The following PAGE5 variants were observed in gnomAD, a reference collection of about 807,000 sequenced individuals.
PAGE5 encodes PAGE family member 5, also known as P antigen family member 5.
PAGE5 carries 8 observed loss-of-function variants against 8.1 expected under a neutral mutation model. That is an observed-to-expected ratio of 0.98 (90% CI 0.58 to 1.77). PAGE5 has a LOEUF of 1.77. Among genes scored for constraint, PAGE5 ranks in the 40% most tolerant of loss-of-function variants. The probability of loss-of-function intolerance (pLI) is 0.00; values close to 1 mark genes in which losing one functional copy is unlikely to be tolerated. For missense variants in PAGE5, 64 were observed against 77.6 expected (o/e 0.82, Z 0.66); for synonymous variants, 30 against 27.0 (o/e 1.11, Z -0.35).
chrX:55,223,932 C>A, intron 4 of PAGE5, 55 bp from the exon 5 acceptor site: 1 of 993,753 alleles, frequency 1.0e-6, no homozygotes, highest in South Asian at 2.4e-5. Flanking sequence ...CTTCTAGTGT[C>A]ATCTAAATAG....
intron 4 of PAGE5, among the ~76,000 whole-genome samples, chrX:55,223,626 A>G (rs143618275): frequency 0.03 from 2,718 of 91,032 alleles, 43 homozygotes; most frequent in Admixed American, 0.09. Context: ...AAAAATTTAA[A>G]TGATACTTTA....
At position 55,222,687 on chromosome X, in the gene PAGE5, G is replaced by A; in HGVS notation, c.257G>A (p.Gly86Asp). The A allele has an allele frequency of 8.3e-7, 1 of 1,209,701 alleles. No homozygotes were observed. The highest frequency in any genetic ancestry group is 1.1e-6 in the Non-Finnish European group (1 of 893,479). The change falls in exon 4 of 5, where the codon GGT (glycine) becomes GAT (aspartate). Residue 86 changes from glycine to aspartate, a missense_variant. Physicochemically the swap from Gly to Asp is moderately conservative, Grantham distance 94. Coordinates refer to ENST00000374955, the MANE Select transcript of PAGE5 (RefSeq NM_001013435.3). ...AAGATAGAGGATGCACCTGGAGATGGTCCTGATGTCAGGGAGGGGACTCTG... is the reference window on the plus strand; with the variant it reads ...AAGATAGAGGATGCACCTGGAGATGATCCTGATGTCAGGGAGGGGACTCTG... ...LLKIEDAPGD[G>D]PDVREGTLPT...
intron 3 of PAGE5, 78 bp from the exon 4 acceptor site, chrX:55,222,543 A>T: frequency 1.6e-5 from 17 of 1,044,622 alleles, no homozygotes; most frequent in Non-Finnish European, 2.1e-5. Context: ...TTATTTCACA[A>T]TGATGAGGGA....
At chrX:55,221,114 C>CT (rs1470995175) in intron 1 of PAGE5, among the ~76,000 whole-genome samples, 2 of 110,780 alleles carry the variant, frequency 1.8e-5, no homozygotes, top group African/African-American at 6.6e-5. Flanking sequence ...GATGGAGAGT[C>CT]TAATTGTGAA....
intron 1 of PAGE5, 185 bp downstream of exon 1, chrX:55,220,637 G>A: frequency 8.3e-7 from 1 of 1,202,122 alleles, no homozygotes; most frequent in South Asian, 1.8e-5. Flanking sequence ...GGCTGGGCTG[G>A]AACGAGGGAG....
intron 2 of PAGE5, 133 bp downstream of exon 2, chrX:55,221,596 T>G: frequency 4.3e-6 from 4 of 930,359 alleles, no homozygotes; most frequent in Non-Finnish European, 4.4e-6. Flanking sequence ...TGAAGGCAAC[T>G]TTGGTTCAGG....
chrX:55,221,958 G>A, intron 3 of PAGE5, 83 bp downstream of exon 3: 1 of 965,079 alleles, frequency 1.0e-6, no homozygotes, highest in Non-Finnish European at 1.4e-6. Flanking sequence ...AGTAACAGGA[G>A]GACAGAAAAC....
rs1937872346 is a variant in PAGE5, at chrX:55,220,358, C to T, written c.-103C>T. 1 of 393,298 alleles carries T rather than the reference C, an allele frequency of 2.5e-6. No individual in the cohort carries two copies. Among genetic ancestry groups the T allele is most frequent in the Non-Finnish European group, 4.5e-6 (1 of 220,682 alleles). The allele number at this position is 393,298 out of a possible 1,213,427, so 32.4% of individuals were successfully genotyped here. ...CCTTTCTGCCCACCTTCTGTCTAGG[C>T]AGAGCTCTGCAAGGAGAGGTTGTGT... On this transcript the variant is annotated 5_prime_UTR_variant, in exon 1 of 5. Transcript: ENST00000374955.
intron 3 of PAGE5, among the ~76,000 whole-genome samples, 189 bp from the exon 4 acceptor site, chrX:55,222,432 T>A (rs188658239): frequency 8.9e-6 from 1 of 112,329 alleles, no homozygotes; most frequent in Admixed American, 9.4e-5. Context: ...ACAAGTAAGT[T>A]GTCTAGGGCC....
At position 55,222,727 on chromosome X, in the gene PAGE5, C is replaced by T; in HGVS notation, c.297C>T (p.Pro99=). ...AGGGGACTCTGCCCACTTTTGATCC[C>T]ACTAAAGTGCTGGAAGCAGGTATGT... The part of the protein sequence containing the change: ...VREGTLPTFD[P]TKVLEAGEGQ... Residue 99 remains proline, a synonymous_variant, in exon 4 of 5, where the codon CCC becomes CCT. Coordinates refer to ENST00000374955, the MANE Select transcript of PAGE5 (RefSeq NM_001013435.3). 2 of 1,209,018 alleles carry T rather than the reference C, an allele frequency of 1.7e-6. No individual in the cohort carries two copies. The highest frequency in any genetic ancestry group is 1.8e-5 in the South Asian group (1 of 56,370).
chrX:55,220,436 T>A lies in PAGE5; in HGVS notation c.-25T>A. On this transcript the variant is annotated 5_prime_UTR_variant, in exon 1 of 5. Coordinates refer to ENST00000374955, the MANE Select transcript of PAGE5 (RefSeq NM_001013435.3). ...TTCCAACATCTTCGTTCTTTCTCAC[T>A]GACCGAGACTCAGCCGGTAGGTCTG... 2.0e-6 allele frequency: 1 copy of A among 493,688 alleles called. No individual in the cohort carries two copies. 40.7% of individuals were successfully genotyped at this position (493,688 alleles called of 1,213,427 possible).
intron 1 of PAGE5, chrX:55,220,688 G>A (rs1179337505): frequency 1.0e-5 from 12 of 1,163,208 alleles, no homozygotes; most frequent in Non-Finnish European, 1.4e-5. Context: ...TGAAGATGGT[G>A]CGAGTCCTGG....
rs1419564490 is a variant in PAGE5 at position 55,221,759 on chromosome X, ACCCTTAGGTCCAG to A, written c.82-6_88del. ...ACTTTTTATTCGCACACACACTTAC[ACCCTTAGGTCCAG>A]CAGCCCACTGAGGAAAAACGTCAAG... On this transcript the variant is annotated splice_acceptor_variant and splice_polypyrimidine_tract_variant and coding_sequence_variant and intron_variant, in exon 3 of 5. Transcript: ENST00000374955. LOFTEE classifies it high-confidence loss of function. The A allele has an allele frequency of 8.3e-7, 1 of 1,206,517 alleles. No homozygotes were observed. Among genetic ancestry groups the A allele is most frequent in the South Asian group, 1.8e-5 (1 of 55,981 alleles).
At chrX:55,222,863 C>A in intron 4 of PAGE5, 117 bp downstream of exon 4, 1 of 929,291 alleles carries the variant, frequency 1.1e-6, no homozygotes, top group South Asian at 2.4e-5. Context: ...TCTAAAGATT[C>A]TTTGAAGGTA....
Position 55,220,348 on chromosome X carries a change from T to G in PAGE5, c.-113T>G, listed in dbSNP as rs1157698730. 5.3e-6 allele frequency: 2 copies of G among 377,387 alleles called. No individual in the cohort carries two copies. Among genetic ancestry groups the G allele is most frequent in the South Asian group, 3.4e-5 (1 of 29,131 alleles). 31.1% of individuals were successfully genotyped at this position (377,387 alleles called of 1,213,427 possible). A position where few individuals can be genotyped will look rare whatever the true frequency, so the allele number is the denominator to read the frequency against. On this transcript the variant is annotated 5_prime_UTR_variant, in exon 1 of 5. Coordinates refer to ENST00000374955, the MANE Select transcript of PAGE5 (RefSeq NM_001013435.3). ...TGCGCATGCGCCTTTCTGCCCACCTTCTGTCTAGGCAGAGCTCTGCAAGGA... is the reference window on the plus strand; with the variant it reads ...TGCGCATGCGCCTTTCTGCCCACCTGCTGTCTAGGCAGAGCTCTGCAAGGA...
chrX:55,221,273 T>C, intron 1 of PAGE5, 102 bp from the exon 2 acceptor site: 1 of 778,677 alleles, frequency 1.3e-6, no homozygotes, highest in Non-Finnish European at 1.9e-6. Flanking sequence ...TGAAAATATT[T>C]TCAAAATTAA....
Position 55,223,180 on chromosome X carries a change from A to G in PAGE5, c.316+434A>G, listed in dbSNP as rs1245538607. Among the ~76,000 whole-genome samples the G allele has an allele frequency of 5.3e-5, 6 of 112,727 alleles. No individual in the cohort carries two copies. The South Asian group carries it at 2.2e-3, about 41-fold the overall frequency. ...ATCATGTTTTACATGATAAATATATATGATTTCATGTGTCATTTTTAAAAG... is the reference window on the plus strand; with the variant it reads ...ATCATGTTTTACATGATAAATATATGTGATTTCATGTGTCATTTTTAAAAG... On this transcript the variant is annotated intron_variant, in intron 4 of 4. Transcript: ENST00000374955.
At chrX:55,221,256 C>T (rs1181341756) in intron 1 of PAGE5, 119 bp from the exon 2 acceptor site, 40 of 660,307 alleles carry the variant, frequency 6.1e-5, no homozygotes, top group Non-Finnish European at 8.9e-5. Context: ...TGCTCTGTGA[C>T]TTAGTTTGAA....
At chrX:55,223,952 GA>G in intron 4 of PAGE5, 34 bp from the exon 5 acceptor site, 1 of 1,097,368 alleles carries the variant, frequency 9.1e-7, no homozygotes. Context: ...GAAATCTGCT[GA>G]ATAACGTGCT....
Sources: allele counts gnomAD v4.1 joint callset (sites outside exome capture counted in the v4.1 genomes callset), GRCh38; gene constraint gnomAD v4.1.1; transcripts MANE v1.5; gene names NCBI Gene and HGNC (gene_info 2026-07-23, HGNC 2026-07-21).